The following NRG3 variants were observed in gnomAD, a reference collection of about 807,000 sequenced individuals.
NRG3 encodes the protein pro-neuregulin-3, membrane-bound isoform.
A neutral mutation model predicts 66.9 loss-of-function variants in NRG3; 31 were observed. That is an observed-to-expected ratio of 0.46 (90% confidence interval 0.35 to 0.63). The LOEUF is 0.63. NRG3 is among the 20% of genes least tolerant of loss of function. The probability of loss-of-function intolerance (pLI) is 0.00; values close to 1 mark genes in which losing one functional copy is unlikely to be tolerated. For synonymous variants in NRG3, 393 were observed against 359.4 expected (o/e 1.09, Z -1.06); for missense variants, 910 against 878.9 (o/e 1.04, Z -0.45).
At chr10:82,358,242 G>A (rs975671027) in intron 1 of NRG3, among the ~76,000 whole-genome samples, 12 of 151,802 alleles carry the variant, frequency 7.9e-5, no homozygotes, top group Non-Finnish European at 1.3e-4. Flanking sequence ...AGGAGAAAGT[G>A]AAAGAATAAT....
intron 2 of NRG3, among the ~76,000 whole-genome samples, chr10:82,582,957 A>G (rs2046450151): frequency 6.6e-6 from 1 of 152,182 alleles, no homozygotes; most frequent in Admixed American, 6.6e-5. Context: ...CCTAGGACAG[A>G]TAAGAGGCTA....
intron 1 of NRG3, among the ~76,000 whole-genome samples, chr10:82,095,417 A>G (rs138474094): frequency 6.6e-6 from 1 of 152,208 alleles, no homozygotes; most frequent in Non-Finnish European, 1.5e-5. Context: ...AAAAGTCCAC[A>G]TGAGTATCAC....
intron 1 of NRG3, chr10:82,166,842 T>G (rs2072102532): frequency 1.5e-6 from 1 of 656,712 alleles, no homozygotes; most frequent in South Asian, 1.7e-5. Flanking sequence ...TCTGAAACAG[T>G]CTTTATTTAT....
At chr10:82,106,628 C>T (rs1187782203) in intron 1 of NRG3, among the ~76,000 whole-genome samples, 1 of 151,852 alleles carries the variant, frequency 6.6e-6, no homozygotes, top group Non-Finnish European at 1.5e-5. Context: ...GCCTCAGCCT[C>T]CCAAGTAGCT....
intron 2 of NRG3, among the ~76,000 whole-genome samples, chr10:82,605,063 G>A (rs1439658435): frequency 6.6e-6 from 1 of 151,912 alleles, no homozygotes; most frequent in African/African-American, 2.4e-5. Flanking sequence ...GGATTAACTA[G>A]GACCAGTACA....
At chr10:82,691,350 C>G (rs966769154) in intron 2 of NRG3, among the ~76,000 whole-genome samples, 3 of 152,190 alleles carry the variant, frequency 2.0e-5, no homozygotes, top group African/African-American at 7.2e-5. Context: ...ATACTGTCTT[C>G]TTGTCCTAAA....
chr10:81,952,259 C>T (rs1431550048), intron 1 of NRG3, among the ~76,000 whole-genome samples: 1 of 152,084 alleles, frequency 6.6e-6, no homozygotes, highest in Non-Finnish European at 1.5e-5. Context: ...AAGAGTCATG[C>T]CACTTATTAT....
intron 2 of NRG3, among the ~76,000 whole-genome samples, chr10:82,650,631 C>G (rs1488990626): frequency 6.6e-6 from 1 of 152,154 alleles, no homozygotes; most frequent in Non-Finnish European, 1.5e-5. Context: ...AATGCTGGGC[C>G]ATGCATCCAC....
intron 2 of NRG3, among the ~76,000 whole-genome samples, chr10:82,685,570 G>A (rs558294708): frequency 2.6e-5 from 4 of 152,184 alleles, no homozygotes; most frequent in Admixed American, 6.5e-5. Context: ...TGTACAGTTA[G>A]GCTACACTAC....
chr10:82,973,291 C>G (rs1023258216), intron 6 of NRG3, among the ~76,000 whole-genome samples: 3 of 152,188 alleles, frequency 2.0e-5, no homozygotes, highest in African/African-American at 7.2e-5. Flanking sequence ...AACATGGTAA[C>G]TACCTGGTAA....
chr10:82,928,161 C>CAT (rs980479110), intron 4 of NRG3, among the ~76,000 whole-genome samples: 1 of 152,076 alleles, frequency 6.6e-6, no homozygotes, highest in African/African-American at 2.4e-5. Flanking sequence ...AGTGTCTGTT[C>CAT]ATATCCTTTG....
rs185604466 is a variant in NRG3, at chr10:82,063,829, A to G, written c.823+187666A>G. The stretch of plus-strand genomic sequence containing the variant: ...AGCAAGTCCCTCCCACCATCGTTTG[A>G]TCTATCAGGTGTGATTTGCCTGCTG... On this transcript the variant is annotated intron_variant, in intron 1 of 8. Coordinates refer to ENST00000372141, the MANE Select transcript of NRG3 (RefSeq NM_001010848.4). Among the ~76,000 whole-genome samples, 708 of 152,306 alleles carry G rather than the reference A, an allele frequency of 4.6e-3. 3 individuals carry two copies. The highest frequency in any genetic ancestry group is 8.1e-3 in the Non-Finnish European group (549 of 68,018).
In NRG3 at chr10:81,876,000, A is replaced by G; in HGVS notation, c.660A>G (p.Ala220=). Residue 220 remains alanine, a synonymous_variant, in exon 1 of 9, where the codon GCA becomes GCG. Coordinates refer to ENST00000372141, the MANE Select transcript of NRG3 (RefSeq NM_001010848.4). This position sits in a 1 kb window ranked among gnomAD's most constrained non-coding sequence, Gnocchi z 5.3. ...PPVPGTPSTQ[A]MPSWPTAAYA... Reference sequence around the variant, plus strand: ...TGCCAGGAACTCCAAGTACCCAGGCAATGCCCTCCTGGCCTACTGCGGCAT... The same window carrying G: ...TGCCAGGAACTCCAAGTACCCAGGCGATGCCCTCCTGGCCTACTGCGGCAT... 1.2e-6 allele frequency: 2 copies of G among 1,614,006 alleles called. No individual in the cohort carries two copies. Among genetic ancestry groups the G allele is most frequent in the Non-Finnish European group, 1.7e-6 (2 of 1,180,006 alleles).
At chr10:82,317,212 T>A in intron 1 of NRG3, among the ~76,000 whole-genome samples, 1 of 151,906 alleles carries the variant, frequency 6.6e-6, no homozygotes, top group East Asian at 1.9e-4. Flanking sequence ...GATTTTTTTT[T>A]TTTTTTGCTG....
At chr10:82,936,574 T>C (rs1848088210) in intron 4 of NRG3, among the ~76,000 whole-genome samples, 1 of 152,134 alleles carries the variant, frequency 6.6e-6, no homozygotes, top group Non-Finnish European at 1.5e-5. Flanking sequence ...TGATATTTTG[T>C]ATTGTTGAAA....
At chr10:82,005,832 C>CT (rs2061358783) in intron 1 of NRG3, among the ~76,000 whole-genome samples, 1 of 151,856 alleles carries the variant, frequency 6.6e-6, no homozygotes, top group Non-Finnish European at 1.5e-5. Context: ...GTAGTCTACC[C>CT]TTACACTGGT....
intron 3 of NRG3, among the ~76,000 whole-genome samples, chr10:82,803,687 C>T (rs1048026168): frequency 3.3e-5 from 5 of 151,576 alleles, no homozygotes; most frequent in Non-Finnish European, 5.9e-5. Flanking sequence ...AGAGTGTGGG[C>T]TTTCAAGTCA....
intron 1 of NRG3, among the ~76,000 whole-genome samples, chr10:82,035,052 G>A (rs796880607): frequency 4.6e-5 from 7 of 152,182 alleles, no homozygotes; most frequent in African/African-American, 9.6e-5. Context: ...TAGAGTTGGC[G>A]CATATATAGT....
intron 2 of NRG3, among the ~76,000 whole-genome samples, chr10:82,510,749 A>T (rs1294062497): frequency 6.6e-6 from 1 of 152,104 alleles, no homozygotes; most frequent in Non-Finnish European, 1.5e-5. Context: ...TCTTTCTGCT[A>T]CTTCCCTTTC....
Sources: gnomAD v4.1 joint callset for allele counts (sites outside exome capture counted in the v4.1 genomes callset) on GRCh38, gnomAD v4.1.1 for gene constraint, Gnocchi (gnomAD v3.1) non-coding constraint, MANE v1.5 for transcripts, NCBI Gene and HGNC (gene_info 2026-07-23, HGNC 2026-07-21) for gene names.